Variants in MTUS2 observed in about 807,000 individuals in gnomAD.
MTUS2 encodes microtubule-associated tumor suppressor candidate 2.
A neutral mutation model predicts 114.1 loss-of-function variants in MTUS2; 40 were observed. The observed-to-expected ratio is 0.35, with a 90% CI of 0.27 to 0.46. The LOEUF is 0.46. Among genes scored for constraint, MTUS2 ranks in the 20% least tolerant of loss-of-function variants. The pLI is 1.00. For missense variants in MTUS2, 1,679 were observed against 1,705.4 expected (o/e 0.98, Z 0.27); for synonymous variants, 688 against 672.0 (o/e 1.02, Z -0.37).
At chr13:29,305,966 G>A (rs1337207088) in intron 6 of MTUS2, among the ~76,000 whole-genome samples, 1 of 152,202 alleles carries the variant, frequency 6.6e-6, no homozygotes, top group Non-Finnish European at 1.5e-5. Flanking sequence ...ATCCCAGGAT[G>A]CAAGGTTGGT....
chr13:28,933,516 A>G (rs1881732707), intron 2 of MTUS2, among the ~76,000 whole-genome samples: 1 of 152,258 alleles, frequency 6.6e-6, no homozygotes, highest in Non-Finnish European at 1.5e-5. Flanking sequence ...TCACAGCAAC[A>G]TCTTGACTGG....
rs550148473 is a variant in MTUS2, at chr13:29,492,345, G to A, written c.3506-301G>A. ...GTGTGGCATGTGGTGTGTATGTGAC[G>A]GGTGTGTGATGTTTGCGTGTGTGTG... On this transcript the variant is annotated intron_variant, in intron 11 of 15. Coordinates refer to ENST00000612955, the MANE Select transcript of MTUS2 (RefSeq NM_001033602.4). Among the ~76,000 whole-genome samples, 9 of 151,406 alleles carry A rather than the reference G, an allele frequency of 5.9e-5. No individual in the cohort carries two copies. In the East Asian group the frequency reaches 1.8e-3, roughly 29 times the overall value.
chr13:28,903,709 T>C (rs1020934439), intron 2 of MTUS2, among the ~76,000 whole-genome samples: 10 of 151,946 alleles, frequency 6.6e-5, no homozygotes, highest in Non-Finnish European at 4.4e-5. Flanking sequence ...TTGTGAATAG[T>C]GCCGCAATAA....
intron 4 of MTUS2, among the ~76,000 whole-genome samples, chr13:29,095,173 G>A (rs1364198170): frequency 6.6e-6 from 1 of 151,994 alleles, no homozygotes; most frequent in Non-Finnish European, 1.5e-5. Context: ...GGTCTGTTAG[G>A]TTTAGTTAGT....
intron 2 of MTUS2, among the ~76,000 whole-genome samples, chr13:28,914,070 G>T (rs114729969): frequency 0.032 from 4,854 of 151,668 alleles, 237 homozygotes; most frequent in African/African-American, 0.11. Flanking sequence ...GGATTTATTG[G>T]TTTTTTTGAA....
At chr13:29,194,494 A>T (rs1894589632) in intron 5 of MTUS2, among the ~76,000 whole-genome samples, 2 of 152,238 alleles carry the variant, frequency 1.3e-5, no homozygotes, top group South Asian at 2.1e-4. Flanking sequence ...ACATGAAAAA[A>T]TGCTCACCAT....
chr13:28,946,906 G>A (rs1882562192), intron 2 of MTUS2, among the ~76,000 whole-genome samples: 3 of 152,072 alleles, frequency 2.0e-5, no homozygotes, highest in Admixed American at 6.5e-5. Context: ...TTTCCATGTA[G>A]AAGTCATTTT....
At chr13:29,404,353 A>AAAAAAC (rs1874594647) in intron 8 of MTUS2, among the ~76,000 whole-genome samples, 2 of 152,018 alleles carry the variant, frequency 1.3e-5, no homozygotes, top group Admixed American at 1.3e-4. Flanking sequence ...CCCTGTCTCG[A>AAAAAAC]AAAAACAAAA....
At chr13:29,229,551 A>G (rs1896243498) in intron 5 of MTUS2, among the ~76,000 whole-genome samples, 1 of 152,222 alleles carries the variant, frequency 6.6e-6, no homozygotes, top group African/African-American at 2.4e-5. Flanking sequence ...CTGTAGTTAA[A>G]TTTGGATGTT....
chr13:28,863,529 G>T (rs990283185), intron 2 of MTUS2, among the ~76,000 whole-genome samples: 1 of 152,108 alleles, frequency 6.6e-6, no homozygotes, highest in African/African-American at 2.4e-5. Context: ...CCTTGCCTGC[G>T]AGTGAGCTTT....
intron 8 of MTUS2, among the ~76,000 whole-genome samples, chr13:29,395,173 C>T (rs1873816502): frequency 2.0e-5 from 3 of 152,140 alleles, no homozygotes; most frequent in Non-Finnish European, 4.4e-5. Flanking sequence ...TACAAAGAGT[C>T]TGTTTTTCCA....
chr13:29,307,488 T>A, intron 6 of MTUS2: 1 of 1,286,624 alleles, frequency 7.8e-7, no homozygotes, highest in Non-Finnish European at 1.1e-6. Context: ...GTGTCCCCAC[T>A]GCCAACTTGT....
chr13:28,821,231 C>G (rs998058055), intron 1 of MTUS2, among the ~76,000 whole-genome samples: 2 of 152,056 alleles, frequency 1.3e-5, no homozygotes, highest in East Asian at 1.9e-4. Flanking sequence ...TTTTAGTTTA[C>G]TTGGAGATAA....
chr13:29,021,242 C>T (rs773135009), intron 2 of MTUS2, among the ~76,000 whole-genome samples: 7 of 152,112 alleles, frequency 4.6e-5, no homozygotes, highest in African/African-American at 7.2e-5. Flanking sequence ...ACTCCAGCCT[C>T]GGCAACAGAA....
intron 5 of MTUS2, among the ~76,000 whole-genome samples, chr13:29,251,485 T>C (rs930887990): frequency 6.6e-6 from 1 of 152,156 alleles, no homozygotes; most frequent in Non-Finnish European, 1.5e-5. Context: ...TAAGTACATT[T>C]ACATTGTTGT....
intron 5 of MTUS2, among the ~76,000 whole-genome samples, chr13:29,141,920 T>C (rs1312870984): frequency 6.6e-6 from 1 of 151,004 alleles, no homozygotes; most frequent in Non-Finnish European, 1.5e-5. Context: ...AGTGCAGTGG[T>C]GTGATCTCGG....
At chr13:28,866,205 C>G (rs1006882179) in intron 2 of MTUS2, among the ~76,000 whole-genome samples, 1 of 152,146 alleles carries the variant, frequency 6.6e-6, no homozygotes, top group African/African-American at 2.4e-5. Flanking sequence ...TGGTACGACA[C>G]GGTGCCACAT....
chr13:28,867,207 A>G (rs901516326), intron 2 of MTUS2, among the ~76,000 whole-genome samples: 47 of 152,256 alleles, frequency 3.1e-4, no homozygotes, highest in African/African-American at 1.1e-3. Context: ...TGTGCTCTTT[A>G]ATGTTAAGCA....
At chr13:29,182,282 G>C (rs1044054416) in intron 5 of MTUS2, among the ~76,000 whole-genome samples, 2 of 152,202 alleles carry the variant, frequency 1.3e-5, no homozygotes, top group African/African-American at 2.4e-5. Flanking sequence ...AAACTGGGCT[G>C]TTCAGCACCA....
Sources: allele counts gnomAD v4.1 joint callset (sites outside exome capture counted in the v4.1 genomes callset), GRCh38; gene constraint gnomAD v4.1.1; transcripts MANE v1.5; gene names NCBI Gene and HGNC (gene_info 2026-07-23, HGNC 2026-07-21).